Variants in DDX56 observed in about 807,000 individuals in gnomAD.
DDX56 encodes DEAD-box helicase 56.
A neutral mutation model predicts 61.5 loss-of-function variants in DDX56; 45 were observed. That is an observed-to-expected ratio of 0.73 (90% CI 0.58 to 0.94). The LOEUF is 0.94. Among genes scored for constraint, DDX56 ranks in the 40% least tolerant of loss-of-function variants. The probability of loss-of-function intolerance (pLI) is 0.00; values close to 1 mark genes in which losing one functional copy is unlikely to be tolerated. For missense variants in DDX56, 708 were observed against 690.7 expected (o/e 1.02, Z -0.28); for synonymous variants, 273 against 268.3 (o/e 1.02, Z -0.17).
intron 12 of DDX56, among the ~76,000 whole-genome samples, 197 bp from the exon 13 acceptor site, chr7:44,566,721 T>C (rs1425671880): frequency 1.3e-5 from 2 of 152,090 alleles, no homozygotes; most frequent in East Asian, 3.9e-4. Context: ...CTCTCCTATA[T>C]TGTTTAGATT....
At chr7:44,570,993 C>T (rs1474752790) in intron 6 of DDX56, 116 bp from the exon 7 acceptor site, 87 of 1,300,762 alleles carry the variant, frequency 6.7e-5, no homozygotes, top group Non-Finnish European at 8.8e-5. Flanking sequence ...TAATCTCTTT[C>T]CCTACTTAAT....
In DDX56 at chr7:44,570,002, G is replaced by A. The variant is rs781587007; in HGVS notation, c.1124+13C>T. ...TGCCTACCATGCAGATGCCTGGGCC[G>A]TCACACTACTACCTGCCAGCTCGAT... On this transcript the variant is annotated intron_variant, in intron 8 of 13. Transcript: ENST00000258772. 110 of 1,614,024 alleles carry A rather than the reference G, an allele frequency of 6.8e-5. 1 individual carries two copies. Among genetic ancestry groups the A allele is most frequent in the Middle Eastern group, 1.6e-4 (1 of 6,084 alleles).
chr7:44,568,203 A>T lies in DDX56; in HGVS notation c.1404T>A (p.Pro468=). The T allele has an allele frequency of 1.2e-6, 2 of 1,611,954 alleles. No individual in the cohort carries two copies. The highest frequency in any genetic ancestry group is 3.3e-5 in the Admixed American group (2 of 59,842). ...EKLKTYFEDN[P]RDLQLLRHDL... is the part of the protein sequence containing the mutation. ...CATGCCGCAGCAGCTGGAGGTCCCT[A>T]GGGTTGTCTTCAAAGTATGTCTGCC... Residue 468 remains proline, a synonymous_variant, in exon 12 of 14, where the codon CCT becomes CCA. Transcript: ENST00000258772.
chr7:44,571,626 G>C lies in DDX56; in HGVS notation c.756C>G (p.Leu252=), dbSNP rs755165770. Residue 252 remains leucine (L), a synonymous_variant, in exon 6 of 14, where the codon CTC becomes CTG. Coordinates refer to ENST00000258772, the MANE Select transcript of DDX56 (RefSeq NM_019082.4). Reference sequence around the variant, plus strand: ...ACTTGCCCCGAATCAATGACAGCTTGAGCAGGGCATACAGCAGGAGGAATT... The same window carrying C: ...ACTTGCCCCGAATCAATGACAGCTTCAGCAGGGCATACAGCAGGAGGAATT... The part of the protein sequence containing the change: ...EDKFLLLYAL[L]KLSLIRGKSL... The C allele has an allele frequency of 1.2e-6, 2 of 1,614,172 alleles. No homozygotes were observed. Among genetic ancestry groups the C allele is most frequent in the Non-Finnish European group, 1.7e-6 (2 of 1,180,046 alleles).
chr7:44,571,090 G>A (rs1354176665), intron 6 of DDX56, among the ~76,000 whole-genome samples: 1 of 152,226 alleles, frequency 6.6e-6, no homozygotes, highest in Non-Finnish European at 1.5e-5. Flanking sequence ...CCAGGCTGGA[G>A]TGCAATGGCA....
In DDX56 at chr7:44,573,618, T is replaced by G; in HGVS notation, c.187A>C (p.Ile63Leu). The G allele has an allele frequency of 6.2e-7, 1 of 1,613,910 alleles. No individual in the cohort carries two copies. Among genetic ancestry groups the G allele is most frequent in the South Asian group, 1.1e-5 (1 of 91,090 alleles). ...TGGAGCAACAGCTGCAGCATCGGAA[T>G]AGCATAAGCGGCCGTCTTCCCGGAG... ...TGSGKTAAYA[I>L]PMLQLLLHRK... is the part of the protein sequence containing the mutation. The change falls in exon 2 of 14, where the codon ATT (isoleucine) becomes CTT (leucine). Residue 63 changes from isoleucine (I) to leucine (L), a missense_variant. Coordinates refer to ENST00000258772, the MANE Select transcript of DDX56 (RefSeq NM_019082.4).
rs551772363 is a variant in DDX56, at chr7:44,569,143, C to T, written c.1280G>A (p.Arg427His). 9.9e-6 allele frequency: 16 copies of T among 1,614,028 alleles called. No individual in the cohort carries two copies. Among genetic ancestry groups the T allele is most frequent in the Admixed American group, 1.7e-5 (1 of 60,014 alleles). ...ACAGCAGCTCACCCTGCAGCGATAG[C>T]GGAAGCCCTCGATCTCCTCCATCCG... ...QFRMEEIEGFRYRCRDAMRSV... is the reference protein window; with the variant it reads ...QFRMEEIEGFHYRCRDAMRSV... The change falls in exon 10 of 14, where the codon CGC becomes CAC. Residue 427 changes from arginine (R) to histidine (H), a missense_variant. Transcript: ENST00000258772.
chr7:44,573,141 C>T, intron 2 of DDX56, 91 bp from the exon 3 acceptor site: 1 of 1,197,208 alleles, frequency 8.4e-7, no homozygotes, highest in African/African-American at 1.5e-5. Flanking sequence ...GACCCATCTG[C>T]TGCAACACTA....
chr7:44,570,976 CTCT>C (rs1242859977), intron 6 of DDX56, 99 bp from the exon 7 acceptor site: 3 of 1,404,304 alleles, frequency 2.1e-6, no homozygotes, highest in African/African-American at 1.4e-5. Context: ...TTCCTTTTTC[CTCT>C]TCTTAATCTC....
chr7:44,572,418 G>A lies in DDX56; in HGVS notation c.574C>T (p.Gln192Ter), dbSNP rs1171968078. Residue 192 changes from glutamine (Q) to a stop codon, truncating the protein, a stop_gained, in exon 5 of 14, where the codon CAG (glutamine) becomes TAG (stop). Transcript: ENST00000258772. LOFTEE classifies it high-confidence loss of function. ...AAAGTAGCTGACATGAGAAAAGCCT[G>A]GTAAATCCGGGGCAAGTGACTGAAA... The part of the protein sequence containing the change: ...SLLCHLPRIY[Q>*]AFLMSATFNE... 6.2e-7 allele frequency: 1 copy of A among 1,613,974 alleles called. No individual in the cohort carries two copies. Among genetic ancestry groups the A allele is most frequent in the African/African-American group, 1.3e-5 (1 of 74,908 alleles).
intron 13 of DDX56, 182 bp from the exon 14 acceptor site, chr7:44,566,261 G>A (rs1218577828): frequency 8.5e-6 from 6 of 703,450 alleles, no homozygotes; most frequent in Non-Finnish European, 1.2e-5. Context: ...AGGGCCTGCA[G>A]GCGGCTGCAA....
Position 44,568,232 on chromosome 7 carries a change from G to A in DDX56, c.1384-9C>T, listed in dbSNP as rs754491544. The A allele has an allele frequency of 4.4e-6, 7 of 1,594,670 alleles. No homozygotes were observed. The highest frequency in any genetic ancestry group is 1.3e-5 in the African/African-American group (1 of 74,518). Reference sequence around the variant, plus strand: ...TTGTCTTCAAAGTATGTCTGCCGGGGGAAGAGGGAGAGCCACAGAGTGAGC... The same window carrying A: ...TTGTCTTCAAAGTATGTCTGCCGGGAGAAGAGGGAGAGCCACAGAGTGAGC... On this transcript the variant is annotated splice_polypyrimidine_tract_variant and intron_variant, in intron 11 of 13. Coordinates refer to ENST00000258772, the MANE Select transcript of DDX56 (RefSeq NM_019082.4).
Position 44,570,894 on chromosome 7 carries a change from A to T in DDX56, c.891-17T>A. On this transcript the variant is annotated splice_polypyrimidine_tract_variant and intron_variant, in intron 6 of 13. Coordinates refer to ENST00000258772, the MANE Select transcript of DDX56 (RefSeq NM_019082.4). ...ATGTGGCACCTGCAGCCAAGAGCGGACAGAGAATCAGCTCAGCAGAGCAAG... is the reference window on the plus strand; with the variant it reads ...ATGTGGCACCTGCAGCCAAGAGCGGTCAGAGAATCAGCTCAGCAGAGCAAG... 6.2e-7 allele frequency: 1 copy of T among 1,606,676 alleles called. No homozygotes were observed. Among genetic ancestry groups the T allele is most frequent in the Non-Finnish European group, 8.5e-7 (1 of 1,174,014 alleles).
rs752922054 is a variant in DDX56 at position 44,569,159 on chromosome 7, C to T, written c.1264G>A (p.Glu422Lys). ...CAGCGATAGCGGAAGCCCTCGATCTCCTCCATCCGGAACTGGTAGGGGAGC... is the reference window on the plus strand; with the variant it reads ...CAGCGATAGCGGAAGCCCTCGATCTTCTCCATCCGGAACTGGTAGGGGAGC... ...ILLPYQFRMEEIEGFRYRCRD... is the reference protein window; with the variant it reads ...ILLPYQFRMEKIEGFRYRCRD... The change falls in exon 10 of 14, where the codon GAG becomes AAG. Residue 422 changes from glutamate to lysine, a missense_variant. By Grantham distance (56) the Glu-to-Lys change is moderately conservative. Coordinates refer to ENST00000258772, the MANE Select transcript of DDX56 (RefSeq NM_019082.4). 1.9e-6 allele frequency: 3 copies of T among 1,614,060 alleles called. No homozygotes were observed. In the African/African-American group the frequency reaches 4.0e-5, roughly 22 times the overall value.
chr7:44,566,426 C>A, intron 13 of DDX56, 22 bp downstream of exon 13: 2 of 1,545,006 alleles, frequency 1.3e-6, no homozygotes, highest in South Asian at 1.2e-5. Context: ...CTGGGGCTGT[C>A]CGCAGTCCCC....
chr7:44,567,602 C>T (rs1802575266), intron 12 of DDX56: 1 of 203,904 alleles, frequency 4.9e-6, no homozygotes, highest in Non-Finnish European at 1.0e-5. Context: ...GCCTGCCAAC[C>T]CCTGCATCCC....
At chr7:44,569,322 G>A in intron 9 of DDX56, 119 bp from the exon 10 acceptor site, 1 of 910,896 alleles carries the variant, frequency 1.1e-6, no homozygotes, top group Non-Finnish European at 1.7e-6. Flanking sequence ...CGCCTTCCTG[G>A]GATGCCGAAC....
chr7:44,566,356 T>A, intron 13 of DDX56, 92 bp downstream of exon 13: 1 of 1,219,974 alleles, frequency 8.2e-7, no homozygotes, highest in Non-Finnish European at 1.2e-6. Flanking sequence ...TCTCTTCCCC[T>A]CCCTAGGGCA....
intron 12 of DDX56, among the ~76,000 whole-genome samples, chr7:44,566,973 A>C (rs1423305648): frequency 6.6e-6 from 1 of 151,750 alleles, no homozygotes; most frequent in Non-Finnish European, 1.5e-5. Context: ...CCACATCCTG[A>C]CACCTTTCCA....
Sources: allele counts gnomAD v4.1 joint callset (sites outside exome capture counted in the v4.1 genomes callset), GRCh38; gene constraint gnomAD v4.1.1; transcripts MANE v1.5; gene names NCBI Gene and HGNC (gene_info 2026-07-23, HGNC 2026-07-21).